CEP131: variants seen among roughly 807,000 people sequenced by gnomAD.
The protein encoded by CEP131 is centrosomal protein 131.
Under a neutral mutation model 136.8 loss-of-function variants are expected in CEP131, and 99 were observed. The ratio of observed to expected loss-of-function variants is 0.72; its 90% confidence interval spans 0.62 to 0.86. The LOEUF is 0.86. Among genes scored for constraint, CEP131 ranks in the 40% least tolerant of loss-of-function variants. CEP131 has a pLI of 0.00. For missense variants in CEP131, 1,459 were observed against 1,463.0 expected (o/e 1.00, Z 0.04); for synonymous variants, 646 against 612.7 (o/e 1.05, Z -0.80).
chr17:81,197,513 T>C (rs2061787084), intron 13 of CEP131, 199 bp downstream of exon 13: 12 of 768,512 alleles, frequency 1.6e-5, no homozygotes, highest in Non-Finnish European at 2.4e-5. Flanking sequence ...GAGAGACCCG[T>C]GGGGGGTGCT....
intron 5 of CEP131, among the ~76,000 whole-genome samples, chr17:81,204,734 A>G (rs1178978997): frequency 1.4e-5 from 2 of 146,920 alleles, no homozygotes; most frequent in African/African-American, 5.3e-5. Flanking sequence ...CTGCACCTGC[A>G]CCGGACCACA....
In CEP131 at chr17:81,222,894, AC is replaced by A; in HGVS notation, c.-144del. 1 of 152,210 alleles carries A rather than the reference AC, an allele frequency of 6.6e-6. No homozygotes were observed. Among genetic ancestry groups the A allele is most frequent in the Non-Finnish European group, 1.5e-5 (1 of 68,004 alleles). 9.4% of individuals were successfully genotyped at this position (152,210 alleles called of 1,614,324 possible). On this transcript the variant is annotated 5_prime_UTR_variant, in exon 1 of 26. Transcript: ENST00000450824. ...CGGGTCGGCGACCTGGCGCCCCGCC[AC>A]CCCCAACACTGCCCCGAGGCCCGGT...
intron 1 of CEP131, among the ~76,000 whole-genome samples, chr17:81,221,949 G>A (rs2062398083): frequency 6.6e-6 from 1 of 152,160 alleles, no homozygotes; most frequent in African/African-American, 2.4e-5. Flanking sequence ...TCCCTTCCAC[G>A]GAGCGATGGA....
intron 5 of CEP131, among the ~76,000 whole-genome samples, chr17:81,204,746 C>A (rs1035186261): frequency 8.6e-5 from 13 of 151,828 alleles, no homozygotes; most frequent in Non-Finnish European, 1.6e-4. Context: ...CGGACCACAC[C>A]TGCACCGGAC....
Position 81,219,438 on chromosome 17 carries a change from C to T in CEP131, c.177+442G>A, listed in dbSNP as rs2062335086. On this transcript the variant is annotated intron_variant, in intron 2 of 25. Transcript: ENST00000450824. This position sits in a 1 kb window ranked among gnomAD's most constrained non-coding sequence, Gnocchi z 4.0. Reference sequence around the variant, plus strand: ...CCTCCCGAGTAGCTAGGATTACAGGCATGCACCACCATGCCCGGCTAATTT... The same window carrying T: ...CCTCCCGAGTAGCTAGGATTACAGGTATGCACCACCATGCCCGGCTAATTT... 6.6e-6 allele frequency among the ~76,000 whole-genome samples: 1 copy of T among 152,042 alleles called. No homozygotes were observed. Among genetic ancestry groups the T allele is most frequent in the African/African-American group, 2.4e-5 (1 of 41,394 alleles).
chr17:81,207,537 T>G lies in CEP131; in HGVS notation c.273-298A>C, dbSNP rs181701548. On this transcript the variant is annotated intron_variant, in intron 3 of 25. Transcript: ENST00000450824. The stretch of plus-strand genomic sequence containing the variant: ...TTTTTTTTTTTTATGTTAGTAGAGA[T>G]AGGGTTTCGGCTATGTTGCCCAGGC... 8.7e-3 allele frequency among the ~76,000 whole-genome samples: 1,305 copies of G among 150,718 alleles called. 10 individuals are homozygous for G. Among genetic ancestry groups the G allele is most frequent in the Non-Finnish European group, 0.011 (716 of 67,696 alleles).
chr17:81,205,381 G>A (rs1381343672), intron 5 of CEP131, among the ~76,000 whole-genome samples: 5 of 123,294 alleles, frequency 4.1e-5, no homozygotes, highest in Non-Finnish European at 1.7e-5. Flanking sequence ...GGCAGCAGTG[G>A]GGTAGGAGGG....
intron 5 of CEP131, among the ~76,000 whole-genome samples, chr17:81,205,446 GT>G (rs2061986593): frequency 2.9e-5 from 2 of 68,186 alleles, no homozygotes; most frequent in African/African-American, 1.5e-4. Context: ...GGTAGGAGGG[GT>G]GGGGGGGTAG....
rs200606990 is a variant in CEP131, at chr17:81,196,893, T to C, written c.1773+37A>G. Reference sequence around the variant, plus strand: ...GGCCTGGCCTCAGCAGGTAGGAGGCTAGCAGGGCCCGGGATTAGCAGTGCC... The same window carrying C: ...GGCCTGGCCTCAGCAGGTAGGAGGCCAGCAGGGCCCGGGATTAGCAGTGCC... On this transcript the variant is annotated intron_variant, in intron 14 of 25. Coordinates refer to ENST00000450824, the MANE Select transcript of CEP131 (RefSeq NM_014984.4). 3 of 1,606,978 alleles carry C rather than the reference T, an allele frequency of 1.9e-6. No individual in the cohort carries two copies. The East Asian group carries it at 6.7e-5, about 36-fold the overall frequency.
At chr17:81,191,409 C>T in intron 21 of CEP131, 74 bp from the exon 22 acceptor site, 1 of 1,454,458 alleles carries the variant, frequency 6.9e-7, no homozygotes, top group Non-Finnish European at 9.6e-7. Flanking sequence ...CTCAGGGGGT[C>T]CTGGGGGGCT....
At chr17:81,221,406 G>A (rs73356068) in intron 1 of CEP131, among the ~76,000 whole-genome samples, 10,535 of 152,142 alleles carry the variant, frequency 0.069, 825 homozygotes, top group African/African-American at 0.2. Flanking sequence ...GTCTCAGCTC[G>A]TGCATGTGCC....
chr17:81,192,630 C>G (rs369555972), intron 19 of CEP131, 37 bp from the exon 20 acceptor site: 3 of 1,433,464 alleles, frequency 2.1e-6, no homozygotes, highest in Admixed American at 1.9e-5. Flanking sequence ...GAGGGGTCAT[C>G]GAGTAAGGAG....
chr17:81,212,332 A>AAG (rs201296654), intron 2 of CEP131, among the ~76,000 whole-genome samples: 2,048 of 150,994 alleles, frequency 0.014, 25 homozygotes, highest in Middle Eastern at 0.024. Context: ...AAAAAAAAAA[A>AAG]AAAAGAAAAG....
chr17:81,199,938 T>G (rs985221241), intron 8 of CEP131, 103 bp from the exon 9 acceptor site: 1 of 1,189,708 alleles, frequency 8.4e-7, no homozygotes, highest in African/African-American at 1.5e-5. Flanking sequence ...CTAGAGTTCG[T>G]GGAATCTCAG....
chr17:81,212,087 G>A (rs1194013765), intron 2 of CEP131, among the ~76,000 whole-genome samples: 1 of 152,034 alleles, frequency 6.6e-6, no homozygotes, highest in Admixed American at 6.6e-5. Flanking sequence ...GGCCGAGGTG[G>A]GCGGATAATC....
chr17:81,193,982 C>T lies in CEP131; in HGVS notation c.2265G>A (p.Gln755=). The change falls in exon 18 of 26, where the codon CAG becomes CAA. Residue 755 remains glutamine, a synonymous_variant. Coordinates refer to ENST00000450824, the MANE Select transcript of CEP131 (RefSeq NM_014984.4). Reference sequence around the variant, plus strand: ...CCAGCGCCTCCTTCTCCCGCTCCAGCTGCTCCCGCAGCTCCTCGGCCTGGC... The same window carrying T: ...CCAGCGCCTCCTTCTCCCGCTCCAGTTGCTCCCGCAGCTCCTCGGCCTGGC... ...CLRQAEELRE[Q]LEREKEALGQ... The T allele has an allele frequency of 6.4e-7, 1 of 1,550,612 alleles. No individual in the cohort carries two copies. Among genetic ancestry groups the T allele is most frequent in the African/African-American group, 1.4e-5 (1 of 72,892 alleles).
At chr17:81,193,187 G>A (rs1045102841) in intron 18 of CEP131, among the ~76,000 whole-genome samples, 9 of 152,338 alleles carry the variant, frequency 5.9e-5, no homozygotes, top group African/African-American at 2.2e-4. Flanking sequence ...TGGAGGGCGG[G>A]AGGCAGGTGC....
intron 13 of CEP131, chr17:81,197,380 A>ATGGGTGG (rs1555610267): frequency 1.4e-5 from 7 of 512,054 alleles, no homozygotes; most frequent in African/African-American, 3.9e-5. Context: ...GGACAAACCA[A>ATGGGTGG]CCCAGAGGAC....
Position 81,212,328 on chromosome 17 carries a change from A to G in CEP131, c.178-3306T>C, listed in dbSNP as rs377728907. On this transcript the variant is annotated intron_variant, in intron 2 of 25. Transcript: ENST00000450824. The stretch of plus-strand genomic sequence containing the variant: ...CAGAGCAAGATTCCCTCTCAAAAAA[A>G]AAAAAAAAGAAAAGAAAAGAAAAGA... Among the ~76,000 whole-genome samples, 502 of 151,562 alleles carry G rather than the reference A, an allele frequency of 3.3e-3. 2 individuals carry two copies. The highest frequency in any genetic ancestry group is 0.011 in the African/African-American group (467 of 41,410).
Sources: allele counts gnomAD v4.1 joint callset (sites outside exome capture counted in the v4.1 genomes callset), GRCh38; gene constraint gnomAD v4.1.1; non-coding constraint Gnocchi (gnomAD v3.1); transcripts MANE v1.5; gene names NCBI Gene and HGNC (gene_info 2026-07-23, HGNC 2026-07-21).